Variants in MYO10 observed in about 807,000 individuals in gnomAD.
The protein encoded by MYO10 is unconventional myosin-X.
Under a neutral mutation model 257.3 loss-of-function variants are expected in MYO10, and 133 were observed. The observed-to-expected ratio is 0.52, with a 90% CI of 0.45 to 0.60. The LOEUF is 0.60. Among genes scored for constraint, MYO10 ranks in the 20% least tolerant of loss-of-function variants. MYO10 has a pLI of 0.00. For missense variants in MYO10, 2,399 were observed against 2,635.7 expected, an observed-to-expected ratio of 0.91 and a Z score of 1.97; for synonymous variants, 1,104 against 1,028.6, an observed-to-expected ratio of 1.07 and a Z score of -1.40.
At chr5:16,734,579 C>T (rs1393099292) in intron 19 of MYO10, among the ~76,000 whole-genome samples, 1 of 152,024 alleles carries the variant, frequency 6.6e-6, no homozygotes, top group Non-Finnish European at 1.5e-5. Context: ...CCAAGGTGGG[C>T]GGATCAACTG....
At chr5:16,906,716 T>G (rs1327760140) in intron 1 of MYO10, among the ~76,000 whole-genome samples, 1 of 152,096 alleles carries the variant, frequency 6.6e-6, no homozygotes, top group Non-Finnish European at 1.5e-5. Flanking sequence ...CTCAACACTT[T>G]CATCCCCCAC....
intron 21 of MYO10, among the ~76,000 whole-genome samples, chr5:16,709,369 T>C (rs929421300): frequency 6.6e-6 from 1 of 152,146 alleles, no homozygotes; most frequent in Non-Finnish European, 1.5e-5. Flanking sequence ...GGGTGCAATC[T>C]GGGACTTGCT....
intron 1 of MYO10, among the ~76,000 whole-genome samples, chr5:16,926,996 G>A (rs1000661928): frequency 6.6e-6 from 1 of 152,162 alleles, no homozygotes; most frequent in African/African-American, 2.4e-5. Context: ...AAACATGTTT[G>A]TTGATTCTGC....
chr5:16,890,578 G>A (rs757249764), intron 1 of MYO10, among the ~76,000 whole-genome samples: 5 of 151,542 alleles, frequency 3.3e-5, no homozygotes, highest in African/African-American at 4.9e-5. Context: ...GGTGGCTCAC[G>A]CTTGTAATCC....
rs576517118 is a variant in MYO10, at chr5:16,862,383, C to T, written c.120+15226G>A. Among the ~76,000 whole-genome samples the T allele has an allele frequency of 9.2e-5, 14 of 152,196 alleles. 1 individual carries two copies. Among genetic ancestry groups the T allele is most frequent in the South Asian group, 4.2e-4 (2 of 4,810 alleles). On this transcript the variant is annotated intron_variant, in intron 2 of 40. Coordinates refer to ENST00000513610, the MANE Select transcript of MYO10 (RefSeq NM_012334.3). ...AGGCCTAAAAAATGCATTTTTGAAA[C>T]GGAATGCAACTCATTCACAGACAGA...
intron 2 of MYO10, among the ~76,000 whole-genome samples, chr5:16,842,916 A>G (rs1021966887): frequency 6.7e-6 from 1 of 149,184 alleles, no homozygotes; most frequent in Non-Finnish European, 1.5e-5. Flanking sequence ...GAGAGAGAAA[A>G]AAGAAAAAGG....
chr5:16,783,075 G>A (rs1173464114), intron 5 of MYO10, among the ~76,000 whole-genome samples: 3 of 152,134 alleles, frequency 2.0e-5, no homozygotes, highest in Admixed American at 6.5e-5. Flanking sequence ...TGGAGTCAAA[G>A]GCTCTGCAGA....
chr5:16,860,491 T>C (rs1744076884), intron 2 of MYO10, among the ~76,000 whole-genome samples: 2 of 152,126 alleles, frequency 1.3e-5, no homozygotes, highest in African/African-American at 4.8e-5. Flanking sequence ...TCAGGCAATT[T>C]TGAAATGAGT....
At chr5:16,804,648 G>T (rs1170146249) in intron 3 of MYO10, among the ~76,000 whole-genome samples, 3 of 152,068 alleles carry the variant, frequency 2.0e-5, no homozygotes, top group African/African-American at 7.2e-5. Context: ...TGAGGCAGGA[G>T]GATCACCTGA....
intron 2 of MYO10, among the ~76,000 whole-genome samples, chr5:16,872,821 T>A (rs1744490822): frequency 6.6e-6 from 1 of 152,172 alleles, no homozygotes; most frequent in African/African-American, 2.4e-5. Flanking sequence ...CTTGTGAGAC[T>A]TTTTCACTAT....
At chr5:16,853,841 C>T (rs1743884113) in intron 2 of MYO10, among the ~76,000 whole-genome samples, 1 of 152,140 alleles carries the variant, frequency 6.6e-6, no homozygotes, top group African/African-American at 2.4e-5. Context: ...AACCTCCTAT[C>T]CTCCTCCTGG....
In MYO10 at chr5:16,899,974, G is replaced by A. The variant is rs202122505; in HGVS notation, c.22-22267C>T. Among the ~76,000 whole-genome samples the A allele has an allele frequency of 5.9e-4, 79 of 133,770 alleles. No individual in the cohort carries two copies. In the East Asian group the frequency reaches 0.017, roughly 28 times the overall value. The allele number at this position is 133,770 out of a possible 152,430, so 87.8% of individuals were successfully genotyped here. ...GATCGCAGCACTGCGCTCCAGCCTG[G>A]GCAACACAGCAAGATGCTGTCTCAA... is the stretch of plus-strand genomic sequence containing the variant. On this transcript the variant is annotated intron_variant, in intron 1 of 40. Transcript: ENST00000513610.
At chr5:16,867,463 A>G (rs186052459) in intron 2 of MYO10, among the ~76,000 whole-genome samples, 1 of 152,036 alleles carries the variant, frequency 6.6e-6, no homozygotes, top group East Asian at 1.9e-4. Flanking sequence ...AACGACACCA[A>G]TAGGGGCAAA....
chr5:16,668,495 T>C (rs763025300), intron 39 of MYO10, 27 bp from the exon 40 acceptor site: 1 of 1,568,722 alleles, frequency 6.4e-7, no homozygotes, highest in East Asian at 2.2e-5. Context: ...AACAGAAGAG[T>C]TAAGTCATGA....
At chr5:16,826,004 C>T (rs186865925) in intron 2 of MYO10, among the ~76,000 whole-genome samples, 111 of 151,982 alleles carry the variant, frequency 7.3e-4, no homozygotes, top group African/African-American at 2.6e-3. Flanking sequence ...AATAATTAGC[C>T]GGGCATGGTG....
chr5:16,675,042 A>G lies in MYO10; in HGVS notation c.4775T>C (p.Ile1592Thr), dbSNP rs1310866730. 5.0e-6 allele frequency: 8 copies of G among 1,613,924 alleles called. No homozygotes were observed. The highest frequency in any genetic ancestry group is 6.8e-6 in the Non-Finnish European group (8 of 1,179,882). The change falls in exon 35 of 41, where the codon ATC (isoleucine) becomes ACC (threonine). Residue 1592 changes from isoleucine to threonine, a missense_variant. By Grantham distance (89) the Ile-to-Thr change is moderately conservative. Around this residue, in one of 3 missense-constraint regions of MYO10, gnomAD observed 1,820 missense variants for 1,939.4 expected, o/e 0.94. Coordinates refer to ENST00000513610, the MANE Select transcript of MYO10 (RefSeq NM_012334.3). ...TCGCAGGTCATGCCCTGTCTGTAGG[A>G]TGCCCTGGATTATTGGAATTGGGTC... ...MSDPIPIIQG[I>T]LQTGHDLRPL...
intron 9 of MYO10, among the ~76,000 whole-genome samples, chr5:16,771,212 C>T (rs1331546115): frequency 2.0e-5 from 3 of 152,004 alleles, no homozygotes; most frequent in Non-Finnish European, 2.9e-5. Context: ...CTGTTTTTTT[C>T]CTTCCTAGAA....
intron 1 of MYO10, among the ~76,000 whole-genome samples, chr5:16,898,958 A>G: frequency 1.1e-5 from 1 of 91,634 alleles, no homozygotes; most frequent in Non-Finnish European, 2.5e-5. Context: ...AACATGGTGA[A>G]ACCCCGTCTC....
intron 2 of MYO10, among the ~76,000 whole-genome samples, chr5:16,868,984 T>C (rs1356726288): frequency 1.3e-5 from 2 of 151,990 alleles, no homozygotes; most frequent in East Asian, 1.9e-4. Flanking sequence ...TAAGAAAGCA[T>C]GGGTTGGGCA....
Sources: gnomAD v4.1 joint callset for allele counts (sites outside exome capture counted in the v4.1 genomes callset) on GRCh38, gnomAD v4.1.1 for gene constraint, gnomAD v4.1.1 regional missense constraint, MANE v1.5 for transcripts, NCBI Gene and HGNC (gene_info 2026-07-23, HGNC 2026-07-21) for gene names.